Variants in UBE2E2 observed in about 807,000 individuals in gnomAD.
The protein encoded by UBE2E2 is ubiquitin-conjugating enzyme E2 E2.
In UBE2E2, 6 loss-of-function variants were observed where a neutral mutation model predicts 24.7. The observed-to-expected ratio is 0.24, with a 90% CI of 0.13 to 0.48. The LOEUF is 0.48. Among genes scored for constraint, UBE2E2 ranks in the 20% least tolerant of loss-of-function variants. UBE2E2 has a pLI of 0.99. For synonymous variants in UBE2E2, 104 were observed against 83.6 expected, an observed-to-expected ratio of 1.24 and a Z score of -1.33; for missense variants, 169 against 245.0, an observed-to-expected ratio of 0.69 and a Z score of 2.07.
At chr3:23,366,718 T>C (rs1696265053) in intron 3 of UBE2E2, among the ~76,000 whole-genome samples, 5 of 151,996 alleles carry the variant, frequency 3.3e-5, no homozygotes, top group Admixed American at 3.3e-4. Flanking sequence ...CCCTGTGACA[T>C]GCAATTTACC....
At chr3:23,512,148 CA>C (rs2125466157) in intron 4 of UBE2E2, among the ~76,000 whole-genome samples, 1 of 151,314 alleles carries the variant, frequency 6.6e-6, no homozygotes, top group South Asian at 2.1e-4. Context: ...GGTAAGTGCA[CA>C]GTAATTCAGT....
intron 3 of UBE2E2, among the ~76,000 whole-genome samples, chr3:23,246,596 C>G (rs1697412638): frequency 6.6e-6 from 1 of 151,908 alleles, no homozygotes; most frequent in Admixed American, 6.6e-5. Context: ...GTCGACCAAA[C>G]TGTTGTTAAA....
rs1698465228 is a variant in UBE2E2, at chr3:23,280,314, A to G, written c.227+63002A>G. Reference sequence around the variant, plus strand: ...CCTTAGTGTAATTTTTAGTGGTGAGAGTCTTAAGAGTACTAGTATTCTTTG... The same window carrying G: ...CCTTAGTGTAATTTTTAGTGGTGAGGGTCTTAAGAGTACTAGTATTCTTTG... On this transcript the variant is annotated intron_variant, in intron 3 of 5. Transcript: ENST00000396703. The surrounding 1 kb of genome is among the most constrained non-coding windows in gnomAD (Gnocchi z 4.3). Among the ~76,000 whole-genome samples the G allele has an allele frequency of 6.6e-6, 1 of 152,114 alleles. No homozygotes were observed. The highest frequency in any genetic ancestry group is 2.1e-4 in the South Asian group (1 of 4,822).
chr3:23,222,318 A>G (rs1696671571), intron 3 of UBE2E2, among the ~76,000 whole-genome samples: 1 of 152,180 alleles, frequency 6.6e-6, no homozygotes, highest in South Asian at 2.1e-4. Context: ...ATGGAGGTGC[A>G]GATATCTCTT....
chr3:23,387,252 A>G (rs1012715441), intron 3 of UBE2E2, among the ~76,000 whole-genome samples: 1 of 152,192 alleles, frequency 6.6e-6, no homozygotes, highest in Non-Finnish European at 1.5e-5. Context: ...AATAGAGGCT[A>G]TGAGATTTTC....
chr3:23,523,664 T>G (rs1694920163), intron 4 of UBE2E2, among the ~76,000 whole-genome samples: 1 of 152,132 alleles, frequency 6.6e-6, no homozygotes, highest in African/African-American at 2.4e-5. Context: ...GTGTATTTCT[T>G]AGATATACAT....
chr3:23,558,290 G>T (rs1695838654), intron 5 of UBE2E2, among the ~76,000 whole-genome samples: 1 of 152,132 alleles, frequency 6.6e-6, no homozygotes, highest in Admixed American at 6.6e-5. Context: ...TATAAGTATA[G>T]GGTGAAAGTG....
intron 4 of UBE2E2, among the ~76,000 whole-genome samples, chr3:23,510,674 G>A (rs1373623997): frequency 2.0e-5 from 3 of 152,054 alleles, no homozygotes; most frequent in Admixed American, 6.5e-5. Flanking sequence ...ATTCATATAA[G>A]CATACCTATT....
chr3:23,525,543 G>T (rs1262695767), intron 4 of UBE2E2, among the ~76,000 whole-genome samples: 1 of 152,196 alleles, frequency 6.6e-6, no homozygotes, highest in Non-Finnish European at 1.5e-5. Flanking sequence ...TTTGAAAACT[G>T]TTATTCTCAA....
At chr3:23,279,777 T>C (rs1041326595) in intron 3 of UBE2E2, among the ~76,000 whole-genome samples, 1 of 152,220 alleles carries the variant, frequency 6.6e-6, no homozygotes, top group African/African-American at 2.4e-5. Flanking sequence ...GATAATGTTT[T>C]CCTAGAATGA....
chr3:23,453,948 A>G (rs370608959), intron 3 of UBE2E2, among the ~76,000 whole-genome samples: 19 of 152,340 alleles, frequency 1.2e-4, no homozygotes, highest in East Asian at 3.9e-4. Context: ...AATGTCTGCT[A>G]TAAAATAACT....
At chr3:23,421,144 C>A (rs1250513099) in intron 3 of UBE2E2, among the ~76,000 whole-genome samples, 1 of 152,206 alleles carries the variant, frequency 6.6e-6, no homozygotes. Flanking sequence ...CAGGGAGTTT[C>A]TCTTTCAGCT....
At chr3:23,411,939 C>G (rs778469) in intron 3 of UBE2E2, among the ~76,000 whole-genome samples, 1 of 151,944 alleles carries the variant, frequency 6.6e-6, no homozygotes. Context: ...GCAGTACAAA[C>G]GAAATCACAG....
At chr3:23,506,038 A>AT (rs1694448860) in intron 4 of UBE2E2, among the ~76,000 whole-genome samples, 1 of 152,162 alleles carries the variant, frequency 6.6e-6, no homozygotes, top group South Asian at 2.1e-4. Context: ...ACTTGTTTTT[A>AT]TTGTTAATGC....
intron 3 of UBE2E2, among the ~76,000 whole-genome samples, chr3:23,224,797 A>G (rs1054950078): frequency 5.9e-5 from 9 of 152,034 alleles, no homozygotes; most frequent in Non-Finnish European, 1.3e-4. Flanking sequence ...TAATGCTGTT[A>G]TGAACATTTA....
intron 3 of UBE2E2, among the ~76,000 whole-genome samples, chr3:23,412,766 G>T (rs960956782): frequency 3.3e-5 from 5 of 152,082 alleles, no homozygotes; most frequent in African/African-American, 1.2e-4. Flanking sequence ...ACCATTGCCT[G>T]GGAACTTGTT....
intron 2 of UBE2E2, among the ~76,000 whole-genome samples, chr3:23,209,375 TTCTC>T (rs1163824978): frequency 1.3e-5 from 2 of 152,316 alleles, no homozygotes; most frequent in East Asian, 3.9e-4. Context: ...GATTTTCTCT[TTCTC>T]TAGAGAATAG....
intron 3 of UBE2E2, among the ~76,000 whole-genome samples, chr3:23,483,610 T>A (rs1699301165): frequency 6.6e-6 from 1 of 152,222 alleles, no homozygotes; most frequent in Non-Finnish European, 1.5e-5. Flanking sequence ...TATCAAACTT[T>A]TAATGTACAC....
intron 1 of UBE2E2, among the ~76,000 whole-genome samples, chr3:23,206,884 C>T (rs181727226): frequency 6.6e-6 from 1 of 152,178 alleles, no homozygotes; most frequent in East Asian, 1.9e-4. Context: ...TGTTCTTATT[C>T]TTGATCATAT....
Sources: allele counts gnomAD v4.1 joint callset (sites outside exome capture counted in the v4.1 genomes callset), GRCh38; gene constraint gnomAD v4.1.1; non-coding constraint Gnocchi (gnomAD v3.1); transcripts MANE v1.5; gene names NCBI Gene and HGNC (gene_info 2026-07-23, HGNC 2026-07-21).